PCBP3: variants seen among roughly 807,000 people sequenced by gnomAD.
PCBP3 encodes poly(rC)-binding protein 3.
A neutral mutation model predicts 52.7 loss-of-function variants in PCBP3; 25 were observed. The observed-to-expected ratio is 0.47, with a 90% CI of 0.35 to 0.66. The LOEUF (loss-of-function observed/expected upper bound fraction) is 0.66. PCBP3 is among the 30% of genes least tolerant of loss of function. PCBP3 has a pLI of 0.01. For synonymous variants in PCBP3, 162 were observed against 183.0 expected (o/e 0.89, Z 0.93); for missense variants, 391 against 490.3 (o/e 0.80, Z 1.91).
intron 11 of PCBP3, chr21:45,911,374 G>T (rs529768450): frequency 4.0e-6 from 1 of 250,050 alleles, no homozygotes; most frequent in Non-Finnish European, 8.0e-6. Context: ...TGCTCTTTAC[G>T]TTGGAGTCAG....
intron 5 of PCBP3, among the ~76,000 whole-genome samples, chr21:45,856,649 C>T (rs931819416): frequency 6.6e-6 from 1 of 151,506 alleles, no homozygotes; most frequent in East Asian, 1.9e-4. Flanking sequence ...CCGCCATGAT[C>T]GCAAGTTTCC....
At chr21:45,908,293 C>T (rs1292607483) in intron 9 of PCBP3, among the ~76,000 whole-genome samples, 5 of 152,058 alleles carry the variant, frequency 3.3e-5, no homozygotes, top group African/African-American at 1.2e-4. Flanking sequence ...ATTTAGTGTC[C>T]GTGCCTGTGC....
intron 4 of PCBP3, among the ~76,000 whole-genome samples, chr21:45,782,367 G>A (rs2090703596): frequency 6.6e-6 from 1 of 152,158 alleles, no homozygotes; most frequent in Admixed American, 6.5e-5. Flanking sequence ...GAATCAAATG[G>A]ACATTTTAGA....
intron 5 of PCBP3, among the ~76,000 whole-genome samples, chr21:45,888,535 A>C (rs2095575701): frequency 6.6e-6 from 1 of 152,166 alleles, no homozygotes; most frequent in African/African-American, 2.4e-5. Context: ...CACCGCACAC[A>C]GCACCTTCCC....
chr21:45,876,851 G>A (rs570496669), intron 5 of PCBP3, among the ~76,000 whole-genome samples: 4 of 152,360 alleles, frequency 2.6e-5, no homozygotes, highest in African/African-American at 7.2e-5. Context: ...CACAGCTAAC[G>A]GGGGTATGGC....
At position 45,654,487 on chromosome 21, in the gene PCBP3, C is replaced by T. The variant is rs141580815; in HGVS notation, c.-279+10619C>T. 8.1e-3 allele frequency among the ~76,000 whole-genome samples: 1,228 copies of T among 152,050 alleles called. 9 individuals carry two copies. Among genetic ancestry groups the T allele is most frequent in the Non-Finnish European group, 0.013 (893 of 67,968 alleles). On this transcript the variant is annotated intron_variant, in intron 1 of 17. Transcript: ENST00000681687. Reference sequence around the variant, plus strand: ...TTCCCAGTAGCTGGGACTACAGGTGCACGCCACCACGCCCAGCTAATTTTT... The same window carrying T: ...TTCCCAGTAGCTGGGACTACAGGTGTACGCCACCACGCCCAGCTAATTTTT...
At chr21:45,913,437 C>G (rs1332298260) in intron 11 of PCBP3, among the ~76,000 whole-genome samples, 1 of 152,174 alleles carries the variant, frequency 6.6e-6, no homozygotes, top group Non-Finnish European at 1.5e-5. Flanking sequence ...CCAGAACATT[C>G]AAGAGAATTG....
At chr21:45,884,578 T>C (rs1461551690) in intron 5 of PCBP3, among the ~76,000 whole-genome samples, 4 of 151,896 alleles carry the variant, frequency 2.6e-5, no homozygotes, top group Non-Finnish European at 5.9e-5. Context: ...GTATAATGTT[T>C]GAGACAGGAT....
chr21:45,797,227 A>G (rs112705181), intron 4 of PCBP3, among the ~76,000 whole-genome samples: 2,051 of 147,708 alleles, frequency 0.014, 65 homozygotes, highest in African/African-American at 0.048. Context: ...TGAATCCATA[A>G]AGAAAGTGAA....
At chr21:45,886,972 G>A (rs1197839674) in intron 5 of PCBP3, among the ~76,000 whole-genome samples, 2 of 152,214 alleles carry the variant, frequency 1.3e-5, no homozygotes, top group African/African-American at 2.4e-5. Context: ...CGTGGTGCCT[G>A]GTGGAATAAA....
chr21:45,784,397 G>T (rs34211604), intron 4 of PCBP3, among the ~76,000 whole-genome samples: 3,513 of 63,564 alleles, frequency 0.055, 318 homozygotes, highest in African/African-American at 0.13. Context: ...TACCTCTACC[G>T]CTACCTCTAC....
At chr21:45,719,018 T>C (rs2084423837) in intron 2 of PCBP3, among the ~76,000 whole-genome samples, 1 of 152,142 alleles carries the variant, frequency 6.6e-6, no homozygotes, top group Non-Finnish European at 1.5e-5. Flanking sequence ...GGACTTGTGC[T>C]AAGCAGGGCC....
At chr21:45,865,947 T>G (rs954524753) in intron 5 of PCBP3, among the ~76,000 whole-genome samples, 2 of 152,226 alleles carry the variant, frequency 1.3e-5, no homozygotes, top group African/African-American at 4.8e-5. Context: ...CCGGATGCTA[T>G]GACAGGGTCT....
rs1422587968 is a variant in PCBP3 at position 45,785,509 on chromosome 21, G to T, written c.-126+30057G>T. On this transcript the variant is annotated intron_variant, in intron 4 of 17. Transcript: ENST00000681687. ...CTGGCCAGCCGCCCCGTCCGGGAGGGGGGGGGGTCAGCCCCCCGCCCGGCC... is the reference window on the plus strand; with the variant it reads ...CTGGCCAGCCGCCCCGTCCGGGAGGTGGGGGGGTCAGCCCCCCGCCCGGCC... 3.1e-4 allele frequency among the ~76,000 whole-genome samples: 37 copies of T among 121,004 alleles called. 1 individual carries two copies. Among genetic ancestry groups the T allele is most frequent in the Admixed American group, 1.2e-3 (16 of 13,144 alleles). The allele number at this position is 121,004 out of a possible 152,430, so 79.4% of individuals were successfully genotyped here. A position where few individuals can be genotyped will look rare whatever the true frequency, so the allele number is the denominator to read the frequency against.
intron 4 of PCBP3, among the ~76,000 whole-genome samples, chr21:45,797,872 A>G (rs74474116): frequency 4.1e-5 from 2 of 48,674 alleles, no homozygotes; most frequent in Non-Finnish European, 8.5e-5. Flanking sequence ...ATGGATCCAT[A>G]GAGAGAGTGA....
intron 13 of PCBP3, chr21:45,918,783 G>A (rs2073952994): frequency 6.7e-6 from 1 of 148,396 alleles, no homozygotes; most frequent in Non-Finnish European, 1.5e-5. Context: ...TCCAGTGCTG[G>A]GGGAAGAAGT....
chr21:45,669,610 C>T (rs2081017655), intron 2 of PCBP3, among the ~76,000 whole-genome samples: 1 of 151,716 alleles, frequency 6.6e-6, no homozygotes, highest in African/African-American at 2.4e-5. Context: ...CTGGCAACTA[C>T]CATTCTACTT....
chr21:45,725,951 C>A (rs2085001961), intron 2 of PCBP3, among the ~76,000 whole-genome samples: 1 of 152,134 alleles, frequency 6.6e-6, no homozygotes. Context: ...GGTCAGGTGT[C>A]ACCCTCAGGG....
intron 11 of PCBP3, among the ~76,000 whole-genome samples, chr21:45,913,239 AGGCAAACCTCATCGTAACTATGG>A (rs756117092): frequency 2.0e-5 from 3 of 152,264 alleles, no homozygotes; most frequent in Non-Finnish European, 4.4e-5. Flanking sequence ...AGGGAAATTA[AGGCAAACCTCATCGTAACTATGG>A]GATTTTTTCC....
Sources: allele counts gnomAD v4.1 joint callset (sites outside exome capture counted in the v4.1 genomes callset), GRCh38; gene constraint gnomAD v4.1.1; transcripts MANE v1.5; gene names NCBI Gene and HGNC (gene_info 2026-07-23, HGNC 2026-07-21).